SPDYE18: variants seen among roughly 807,000 people sequenced by gnomAD.
SPDYE18 encodes the protein speedy/RINGO cell cycle regulator family member E18.
In SPDYE18, 6 loss-of-function variants were observed where a neutral mutation model predicts 44.9. The observed-to-expected ratio is 0.13, with a 90% CI of 0.07 to 0.26. The LOEUF (loss-of-function observed/expected upper bound fraction) is 0.26, where lower values mean the gene tolerates loss of function less well. SPDYE18 is among the 10% of genes least tolerant of loss of function. SPDYE18 has a pLI of 1.00. For synonymous variants in SPDYE18, 35 were observed against 177.1 expected (o/e 0.20, Z 6.37); for missense variants, 121 against 463.2 (o/e 0.26, Z 6.78).
intron 6 of SPDYE18, 36 bp from the exon 7 acceptor site, chr7:77,053,239 C>T: frequency 6.2e-7 from 1 of 1,611,650 alleles, no homozygotes; most frequent in Non-Finnish European, 8.5e-7. Flanking sequence ...TCAGGGGCAC[C>T]ACCAGGAGAG....
intron 6 of SPDYE18, among the ~76,000 whole-genome samples, chr7:77,054,691 T>C (rs1399024504): frequency 2.0e-5 from 3 of 151,984 alleles, no homozygotes; most frequent in African/African-American, 7.2e-5. Flanking sequence ...TCCTTTTCTT[T>C]TCCCCTTAGG....
chr7:77,054,688 C>G (rs1196691338), intron 6 of SPDYE18, among the ~76,000 whole-genome samples: 9 of 151,876 alleles, frequency 5.9e-5, no homozygotes, highest in African/African-American at 1.7e-4. Context: ...CACTCCTTTT[C>G]TTTTCCCCTT....
At position 77,051,720 on chromosome 7, in the gene SPDYE18, C is replaced by T. The variant is rs200254810; in HGVS notation, c.*205G>A. The stretch of plus-strand genomic sequence containing the variant: ...ACCCCCCTCCCCCCACCCCTGCTCC[C>T]AGGAGGACAACGTGATCACTGTATT... On this transcript the variant is annotated 3_prime_UTR_variant, in exon 9 of 9. Transcript: ENST00000510091. 1.6e-4 allele frequency among the ~76,000 whole-genome samples: 22 copies of T among 139,656 alleles called. No homozygotes were observed. Among genetic ancestry groups the T allele is most frequent in the South Asian group, 4.7e-4 (2 of 4,238 alleles). 91.6% of individuals were successfully genotyped at this position (139,656 alleles called of 152,430 possible).
intron 6 of SPDYE18, among the ~76,000 whole-genome samples, chr7:77,054,301 G>T (rs1181973617): frequency 6.7e-6 from 1 of 149,360 alleles, no homozygotes; most frequent in African/African-American, 2.5e-5. Flanking sequence ...GGAAGAAGCA[G>T]TGAAGCCGAG....
chr7:77,050,636 A>G lies in SPDYE18; in HGVS notation c.*1289T>C, dbSNP rs1169521947. Among the ~76,000 whole-genome samples, 5 of 152,170 alleles carry G rather than the reference A, an allele frequency of 3.3e-5. No homozygotes were observed. The highest frequency in any genetic ancestry group is 5.9e-5 in the Non-Finnish European group (4 of 68,028). On this transcript the variant is annotated 3_prime_UTR_variant, in exon 9 of 9. Transcript: ENST00000510091. Reference sequence around the variant, plus strand: ...AATTTAGGGGAACTACTACATAGCTATAAATGTAATATATATGTTAACTAA... The same window carrying G: ...AATTTAGGGGAACTACTACATAGCTGTAAATGTAATATATATGTTAACTAA...
rs1260913885 is a variant in SPDYE18 at position 77,050,562 on chromosome 7, C to T, written c.*1363G>A. 6.6e-6 allele frequency among the ~76,000 whole-genome samples: 1 copy of T among 152,226 alleles called. No homozygotes were observed. The highest frequency in any genetic ancestry group is 2.4e-5 in the African/African-American group (1 of 41,470). On this transcript the variant is annotated 3_prime_UTR_variant, in exon 9 of 9. Transcript: ENST00000510091. ...AGGTAAAAAATTACATCTGAATTCT[C>T]ACATTTCAAACATATATGAAATATC... is the stretch of plus-strand genomic sequence containing the variant.
chr7:77,060,413 G>C lies in SPDYE18; in HGVS notation c.100C>G (p.Arg34Gly). 1 of 1,535,522 alleles carries C rather than the reference G, an allele frequency of 6.5e-7. No homozygotes were observed. Among genetic ancestry groups the C allele is most frequent in the South Asian group, 1.2e-5 (1 of 83,970 alleles). The change falls in exon 2 of 9, where the codon CGG (arginine) becomes GGG (glycine). Residue 34 changes from arginine to glycine, a missense_variant. Transcript: ENST00000510091. ...PHPQNEQSLQ[R>G]STSGYPLQEV... ...TGGAGGGGGTACCCCGAGGTGCTCC[G>C]CTGGAGACTCTGCTCATTCTGGGGG... is the stretch of plus-strand genomic sequence containing the variant.
At chr7:77,051,997 C>T (rs1175888658) in intron 8 of SPDYE18, among the ~76,000 whole-genome samples, 118 bp from the exon 9 acceptor site, 1 of 142,712 alleles carries the variant, frequency 7.0e-6, no homozygotes, top group African/African-American at 2.5e-5. Flanking sequence ...ATTTTATCTG[C>T]TGCCTTTCAT....
intron 6 of SPDYE18, among the ~76,000 whole-genome samples, chr7:77,054,661 C>T (rs1211840121): frequency 5.3e-5 from 8 of 152,172 alleles, no homozygotes; most frequent in East Asian, 1.9e-4. Context: ...CTGGAGGAAG[C>T]GGCATGTCCG....
Position 77,052,823 on chromosome 7 carries a change from G to A in SPDYE18, c.1014C>T (p.Asp338=). Residue 338 remains aspartate (D), a synonymous_variant, in exon 8 of 9, where the codon GAC becomes GAT. Coordinates refer to ENST00000510091, the MANE Select transcript of SPDYE18 (RefSeq NM_001394953.1). ...REELEEIQAY[D]PEHWVWARDR... The stretch of plus-strand genomic sequence containing the variant: ...CTCGCGCCCACACCCAGTGCTCTGG[G>A]TCATAAGCCTGGATCTGGAAAAACA... 1 of 1,610,596 alleles carries A rather than the reference G, an allele frequency of 6.2e-7. No individual in the cohort carries two copies. The highest frequency in any genetic ancestry group is 8.5e-7 in the Non-Finnish European group (1 of 1,179,398).
Position 77,050,752 on chromosome 7 carries a change from CCTCT to C in SPDYE18, c.*1169_*1172del, listed in dbSNP as rs1789773638. Among the ~76,000 whole-genome samples, 2 of 151,980 alleles carry C rather than the reference CCTCT, an allele frequency of 1.3e-5. No homozygotes were observed. Among genetic ancestry groups the C allele is most frequent in the Admixed American group, 6.6e-5 (1 of 15,244 alleles). On this transcript the variant is annotated 3_prime_UTR_variant, in exon 9 of 9. Coordinates refer to ENST00000510091, the MANE Select transcript of SPDYE18 (RefSeq NM_001394953.1). ...GTAAAAGATTTAGGATGAAAAGAAT[CCTCT>C]CTTAAAAAGGAAAACAAAATTATAT... is the stretch of plus-strand genomic sequence containing the variant.
At chr7:77,058,492 T>G (rs1411418238) in intron 3 of SPDYE18, among the ~76,000 whole-genome samples, 3 of 112,676 alleles carry the variant, frequency 2.7e-5, no homozygotes, top group African/African-American at 6.5e-5. Flanking sequence ...TCTGGGCCCT[T>G]CCTTCCTTCT....
rs1790033539 is a variant in SPDYE18 at position 77,062,488 on chromosome 7, C to G, written c.-422+8G>C. Among the ~76,000 whole-genome samples, 1 of 152,158 alleles carries G rather than the reference C, an allele frequency of 6.6e-6. No individual in the cohort carries two copies. The highest frequency in any genetic ancestry group is 2.4e-5 in the African/African-American group (1 of 41,438). On this transcript the variant is annotated splice_region_variant and intron_variant, in intron 1 of 8. Transcript: ENST00000510091. ...GCCTGGTTTGATGGAGGAATAGGGG[C>G]TGGTCACCTGCATTTCCCCTCCCTG...
intron 8 of SPDYE18, among the ~76,000 whole-genome samples, chr7:77,052,382 G>A (rs1433713669): frequency 3.9e-5 from 6 of 152,108 alleles, no homozygotes; most frequent in Admixed American, 6.6e-5. Flanking sequence ...CTGAACCCTC[G>A]ACCCAAATCG....
At chr7:77,058,432 CAG>C (rs1247356003) in intron 3 of SPDYE18, among the ~76,000 whole-genome samples, 1 of 118,888 alleles carries the variant, frequency 8.4e-6, no homozygotes, top group African/African-American at 3.2e-5. Context: ...CACCCTGCCT[CAG>C]TACCTCCATT....
intron 5 of SPDYE18, among the ~76,000 whole-genome samples, chr7:77,055,557 G>A (rs1274173716): frequency 1.6e-5 from 2 of 123,726 alleles, no homozygotes. Context: ...GGGCTCCGAT[G>A]GGATCTTTGG....
Position 77,062,484 on chromosome 7 carries a change from G to A in SPDYE18, c.-422+12C>T, listed in dbSNP as rs546025678. ...TCAAGCCTGGTTTGATGGAGGAATA[G>A]GGGCTGGTCACCTGCATTTCCCCTC... On this transcript the variant is annotated intron_variant, in intron 1 of 8. Coordinates refer to ENST00000510091, the MANE Select transcript of SPDYE18 (RefSeq NM_001394953.1). Among the ~76,000 whole-genome samples the A allele has an allele frequency of 3.9e-5, 6 of 152,258 alleles. No homozygotes were observed. In the East Asian group the frequency reaches 1.2e-3, roughly 29 times the overall value.
chr7:77,058,888 G>T (rs956510347), intron 3 of SPDYE18, among the ~76,000 whole-genome samples: 7 of 152,196 alleles, frequency 4.6e-5, no homozygotes, highest in African/African-American at 1.4e-4. Flanking sequence ...AAAGTCCTGA[G>T]TTCAAGCAAT....
At chr7:77,057,211 C>G (rs1789938734) in intron 4 of SPDYE18, among the ~76,000 whole-genome samples, 1 of 152,260 alleles carries the variant, frequency 6.6e-6, no homozygotes, top group South Asian at 2.1e-4. Context: ...CTGTCTCAGC[C>G]TCCCGAGTAG....
Sources: gnomAD v4.1 joint callset for allele counts (sites outside exome capture counted in the v4.1 genomes callset) on GRCh38, gnomAD v4.1.1 for gene constraint, MANE v1.5 for transcripts, NCBI Gene and HGNC (gene_info 2026-07-23, HGNC 2026-07-21) for gene names.